PLD5: variants seen among roughly 807,000 people sequenced by gnomAD.
The protein encoded by PLD5 is phospholipase D family member 5.
PLD5 carries 36 observed loss-of-function variants against 61.1 expected under a neutral mutation model. That is an observed-to-expected ratio of 0.59 (90% confidence interval 0.45 to 0.78). The LOEUF (loss-of-function observed/expected upper bound fraction) is 0.78. Ranked by LOEUF, PLD5 falls within the 30% of genes least tolerant of loss-of-function variation. The probability of loss-of-function intolerance (pLI) is 0.00; values close to 1 mark genes in which losing one functional copy is unlikely to be tolerated. For missense variants in PLD5, 515 were observed against 644.4 expected, an observed-to-expected ratio of 0.80 and a Z score of 2.17; for synonymous variants, 243 against 242.8, an observed-to-expected ratio of 1.00 and a Z score of -0.01.
intron 5 of PLD5, among the ~76,000 whole-genome samples, chr1:242,162,873 TAGCATGGC>T (rs1391473198): frequency 1.3e-5 from 2 of 152,140 alleles, no homozygotes; most frequent in Non-Finnish European, 2.9e-5. Context: ...GGGTAGATGG[TAGCATGGC>T]AGCAGAATAT....
At chr1:242,163,836 G>A (rs80099072) in intron 5 of PLD5, among the ~76,000 whole-genome samples, 4,140 of 152,178 alleles carry the variant, frequency 0.027, 203 homozygotes, top group African/African-American at 0.094. Flanking sequence ...CGGGTAACAA[G>A]GGTCAGTCTC....
At chr1:242,391,185 A>G (rs546875051) in intron 1 of PLD5, among the ~76,000 whole-genome samples, 22 of 152,046 alleles carry the variant, frequency 1.4e-4, no homozygotes, top group African/African-American at 5.3e-4. Context: ...AGAGAGCGAG[A>G]CTCCGTCTCA....
intron 5 of PLD5, among the ~76,000 whole-genome samples, chr1:242,131,745 T>C (rs1663268625): frequency 6.6e-6 from 1 of 152,076 alleles, no homozygotes; most frequent in South Asian, 2.1e-4. Context: ...CTTGTCCTCC[T>C]CTTTCTGCCT....
intron 1 of PLD5, chr1:242,449,412 A>G (rs1019683847): frequency 3.8e-5 from 58 of 1,535,936 alleles, no homozygotes; most frequent in Non-Finnish European, 5.1e-5. Context: ...GCTGTCGCTG[A>G]TGTGCTGCTT....
intron 2 of PLD5, among the ~76,000 whole-genome samples, chr1:242,292,849 T>G (rs7555305): frequency 5.9e-5 from 9 of 152,174 alleles, no homozygotes; most frequent in Admixed American, 2.0e-4. Flanking sequence ...ACACATGAGC[T>G]TATTATAAAT....
chr1:242,163,974 T>C (rs1166094334), intron 5 of PLD5, among the ~76,000 whole-genome samples: 2 of 152,122 alleles, frequency 1.3e-5, no homozygotes, highest in African/African-American at 4.8e-5. Flanking sequence ...TGTCTATAAG[T>C]GATTTCATCC....
intron 1 of PLD5, among the ~76,000 whole-genome samples, chr1:242,444,038 T>A (rs911093471): frequency 1.3e-5 from 2 of 152,186 alleles, no homozygotes; most frequent in African/African-American, 4.8e-5. Flanking sequence ...AACAATAGGA[T>A]AAAAATTTGA....
At chr1:242,360,142 A>G (rs1660987059) in intron 1 of PLD5, among the ~76,000 whole-genome samples, 1 of 152,162 alleles carries the variant, frequency 6.6e-6, no homozygotes, top group Non-Finnish European at 1.5e-5. Flanking sequence ...GGCCCCAAGT[A>G]TGTACTTGTA....
chr1:242,105,159 C>A (rs536326288), intron 8 of PLD5, among the ~76,000 whole-genome samples: 5 of 151,676 alleles, frequency 3.3e-5, no homozygotes, highest in African/African-American at 9.7e-5. Flanking sequence ...TACCACTGAA[C>A]CTTTGGCTTA....
chr1:242,097,240 T>C (rs1660320623), intron 9 of PLD5, among the ~76,000 whole-genome samples: 1 of 152,190 alleles, frequency 6.6e-6, no homozygotes, highest in African/African-American at 2.4e-5. Flanking sequence ...AGAAGCATGA[T>C]TTATAATCCT....
intron 1 of PLD5, among the ~76,000 whole-genome samples, chr1:242,469,682 T>A (rs573099645): frequency 5.9e-5 from 9 of 152,232 alleles, no homozygotes; most frequent in African/African-American, 1.2e-4. Flanking sequence ...AGCTAATTTT[T>A]AAAAAATTTT....
At chr1:242,453,869 T>C (rs10926743) in intron 1 of PLD5, among the ~76,000 whole-genome samples, 55,406 of 152,042 alleles carry the variant, frequency 0.36, 10,521 homozygotes, top group Admixed American at 0.44. Flanking sequence ...CCTATCTTCC[T>C]GTACTACCTA....
chr1:242,162,855 GGGGTGGA>G (rs1325443947), intron 5 of PLD5, among the ~76,000 whole-genome samples: 6 of 152,092 alleles, frequency 3.9e-5, no homozygotes, highest in Admixed American at 1.3e-4. Flanking sequence ...AGAAATATTT[GGGGTGGA>G]GGGTAGATGG....
chr1:242,097,247 T>C (rs1272202134), intron 9 of PLD5, among the ~76,000 whole-genome samples: 1 of 152,212 alleles, frequency 6.6e-6, no homozygotes, highest in Non-Finnish European at 1.5e-5. Flanking sequence ...TGATTTATAA[T>C]CCTTTGGGTA....
At chr1:242,325,450 TG>T (rs1658696797) in intron 2 of PLD5, among the ~76,000 whole-genome samples, 2 of 61,888 alleles carry the variant, frequency 3.2e-5, no homozygotes, top group Admixed American at 2.3e-4. Context: ...AGAGAGAGAT[TG>T]GGAGAGAGGG....
intron 2 of PLD5, among the ~76,000 whole-genome samples, chr1:242,292,541 T>C (rs1248984406): frequency 6.6e-6 from 1 of 152,232 alleles, no homozygotes; most frequent in Non-Finnish European, 1.5e-5. Flanking sequence ...CAATCTTTTT[T>C]GGAAATCCTT....
chr1:242,216,358 T>C (rs187478792), intron 5 of PLD5, among the ~76,000 whole-genome samples: 7 of 152,288 alleles, frequency 4.6e-5, no homozygotes, highest in Non-Finnish European at 1.0e-4. Flanking sequence ...CTTGGAAGGC[T>C]GGAAGGTTTT....
Position 242,120,219 on chromosome 1 carries a change from GA to G in PLD5, c.933+4248del, listed in dbSNP as rs35704705. 4.3e-3 allele frequency among the ~76,000 whole-genome samples: 648 copies of G among 152,158 alleles called. 8 individuals are homozygous for G. Among genetic ancestry groups the G allele is most frequent in the African/African-American group, 0.014 (585 of 41,540 alleles). Reference sequence around the variant, plus strand: ...CAGTATGGGGTTTTTTCTTTGTGGTGAAAAAAAGTTCTAAAATCAGATTGTA... The same window carrying G: ...CAGTATGGGGTTTTTTCTTTGTGGTGAAAAAAGTTCTAAAATCAGATTGTA... On this transcript the variant is annotated intron_variant, in intron 6 of 9. Coordinates refer to ENST00000536534, the MANE Select transcript of PLD5 (RefSeq NM_001372062.1).
At chr1:242,381,302 A>G (rs999139961) in intron 1 of PLD5, among the ~76,000 whole-genome samples, 5 of 152,228 alleles carry the variant, frequency 3.3e-5, no homozygotes, top group African/African-American at 4.8e-5. Flanking sequence ...TCAGGAAAAG[A>G]AAACCAAACA....
Sources: allele counts gnomAD v4.1 joint callset (sites outside exome capture counted in the v4.1 genomes callset), GRCh38; gene constraint gnomAD v4.1.1; transcripts MANE v1.5; gene names NCBI Gene and HGNC (gene_info 2026-07-23, HGNC 2026-07-21).